Variants in NUP210L observed in about 807,000 individuals in gnomAD.
NUP210L encodes nucleoporin 210 like.
Under a neutral mutation model 208.5 loss-of-function variants are expected in NUP210L, and 74 were observed. The observed-to-expected ratio is 0.35, with a 90% confidence interval of 0.29 to 0.43. The LOEUF (loss-of-function observed/expected upper bound fraction) is 0.43. NUP210L is among the 20% of genes least tolerant of loss of function. The probability of loss-of-function intolerance (pLI) is 1.00; values close to 1 mark genes in which losing one functional copy is unlikely to be tolerated. For synonymous variants in NUP210L, 780 were observed against 816.9 expected (o/e 0.95, Z 0.77); for missense variants, 1,843 against 2,289.4 (o/e 0.81, Z 3.98).
At chr1:154,000,807 C>A in intron 37 of NUP210L, 49 bp downstream of exon 37, 1 of 1,529,956 alleles carries the variant, frequency 6.5e-7, no homozygotes, top group East Asian at 2.3e-5. Context: ...GTAATACATT[C>A]TTTCTTCTTT....
At chr1:154,023,389 G>T in intron 30 of NUP210L, 92 bp from the exon 31 acceptor site, 1 of 1,033,108 alleles carries the variant, frequency 9.7e-7, no homozygotes, top group South Asian at 1.8e-5. Flanking sequence ...GATAAAGAGT[G>T]ATGTTTCTTT....
At chr1:154,128,632 C>G (rs1658102448) in intron 8 of NUP210L, among the ~76,000 whole-genome samples, 2 of 152,088 alleles carry the variant, frequency 1.3e-5, no homozygotes, top group Non-Finnish European at 2.9e-5. Context: ...GAGCAAATCG[C>G]TTGAGCTCAG....
chr1:154,115,149 T>G (rs1267019391), intron 12 of NUP210L, among the ~76,000 whole-genome samples: 4 of 152,228 alleles, frequency 2.6e-5, no homozygotes, highest in Non-Finnish European at 4.4e-5. Flanking sequence ...AAGTATCTTT[T>G]GTTTTTTAGT....
intron 33 of NUP210L, among the ~76,000 whole-genome samples, chr1:154,016,876 G>A (rs1651275249): frequency 6.6e-6 from 1 of 152,272 alleles, no homozygotes; most frequent in South Asian, 2.1e-4. Flanking sequence ...TGCAGTGGGA[G>A]GATAGCTTGA....
intron 16 of NUP210L, among the ~76,000 whole-genome samples, chr1:154,077,942 G>A (rs930776075): frequency 2.6e-5 from 4 of 152,066 alleles, no homozygotes; most frequent in East Asian, 1.9e-4. Flanking sequence ...CCAAGATCAC[G>A]CCACTGCACT....
chr1:153,996,011 G>A (rs1369743477), intron 37 of NUP210L: 5 of 376,416 alleles, frequency 1.3e-5, no homozygotes, highest in East Asian at 1.4e-4. Context: ...AAAAAAATGC[G>A]GCCTGGCGTG....
Position 154,025,470 on chromosome 1 carries a change from A to C in NUP210L, c.4122+72T>G, listed in dbSNP as rs541455219. ...AAGAAAATTTCTAGTTTTTTAAAAA[A>C]GAAACTCTGCTTTTTAAGGCCAGGG... On this transcript the variant is annotated intron_variant, in intron 30 of 39. Coordinates refer to ENST00000368559, the Ensembl canonical transcript of NUP210L. 2.2e-5 allele frequency: 24 copies of C among 1,115,956 alleles called. No individual in the cohort carries two copies. In the East Asian group the frequency reaches 3.4e-4, roughly 16 times the overall value. 69.1% of individuals were successfully genotyped at this position (1,115,956 alleles called of 1,614,324 possible).
At chr1:153,998,095 T>C (rs1650006264) in intron 37 of NUP210L, among the ~76,000 whole-genome samples, 1 of 152,150 alleles carries the variant, frequency 6.6e-6, no homozygotes, top group Non-Finnish European at 1.5e-5. Context: ...TCTCTATACA[T>C]TCTGAGAAAC....
chr1:154,110,077 T>C (rs532372719), intron 12 of NUP210L, among the ~76,000 whole-genome samples: 1 of 149,644 alleles, frequency 6.7e-6, no homozygotes, highest in East Asian at 2.0e-4. Flanking sequence ...CTAATAAAAA[T>C]ACAAAAAATT....
chr1:154,055,348 T>G (rs922111649), intron 23 of NUP210L, among the ~76,000 whole-genome samples: 5 of 151,882 alleles, frequency 3.3e-5, no homozygotes, highest in African/African-American at 1.2e-4. Context: ...CCTCCCAGGT[T>G]CAAGCGATTC....
chr1:154,126,205 C>T, intron 10 of NUP210L, 118 bp downstream of exon 10: 2 of 821,398 alleles, frequency 2.4e-6, no homozygotes, highest in Non-Finnish European at 3.9e-6. Flanking sequence ...TGCTGTTTAT[C>T]TGTTTATTTT....
chr1:154,030,800 T>C (rs1652174051), intron 27 of NUP210L, among the ~76,000 whole-genome samples: 1 of 151,794 alleles, frequency 6.6e-6, no homozygotes, highest in South Asian at 2.1e-4. Flanking sequence ...GGTGAAATCA[T>C]GGCTTCCTGT....
At chr1:154,013,766 G>T (rs1028518907) in intron 33 of NUP210L, among the ~76,000 whole-genome samples, 1 of 151,924 alleles carries the variant, frequency 6.6e-6, no homozygotes, top group Non-Finnish European at 1.5e-5. Context: ...TTTTTTGTTT[G>T]TTTGTTTGTT....
At chr1:154,001,669 G>A in intron 36 of NUP210L, 66 bp downstream of exon 36, 3 of 1,534,716 alleles carry the variant, frequency 2.0e-6, no homozygotes, top group Non-Finnish European at 2.7e-6. Context: ...CCCTTGAAGT[G>A]AGAATGAAAA....
rs181654110 is a variant in NUP210L at position 154,074,033 on chromosome 1, G to A, written c.2362-3568C>T. 8.3e-4 allele frequency among the ~76,000 whole-genome samples: 123 copies of A among 148,408 alleles called. 1 individual carries two copies. Among genetic ancestry groups the A allele is most frequent in the African/African-American group, 2.6e-3 (106 of 40,494 alleles). Reference sequence around the variant, plus strand: ...TCCCCCTAAGTTTTTTTTTTTTGTCGTTGTTTTTTGTTTTGGAGAGTCTGT... The same window carrying A: ...TCCCCCTAAGTTTTTTTTTTTTGTCATTGTTTTTTGTTTTGGAGAGTCTGT... On this transcript the variant is annotated intron_variant, in intron 16 of 39. Coordinates refer to ENST00000368559, the Ensembl canonical transcript of NUP210L.
At chr1:154,014,982 C>T in intron 33 of NUP210L, among the ~76,000 whole-genome samples, 1 of 152,036 alleles carries the variant, frequency 6.6e-6, no homozygotes, top group Non-Finnish European at 1.5e-5. Flanking sequence ...CCAGCCTGGG[C>T]AACAGAGTGA....
chr1:154,055,164 T>TTTC (rs1467633915), intron 23 of NUP210L, among the ~76,000 whole-genome samples: 14 of 123,978 alleles, frequency 1.1e-4, no homozygotes, highest in African/African-American at 3.0e-4. Flanking sequence ...TCTTTCTTTC[T>TTTC]TTCTTTCTTT....
chr1:154,072,491 A>C (rs1192998600), intron 16 of NUP210L, among the ~76,000 whole-genome samples: 5 of 150,976 alleles, frequency 3.3e-5, no homozygotes, highest in South Asian at 2.1e-4. Flanking sequence ...TGCCACCACG[A>C]CCGGCTAATT....
At chr1:154,000,605 G>A (rs1430311247) in intron 37 of NUP210L, among the ~76,000 whole-genome samples, 2 of 152,168 alleles carry the variant, frequency 1.3e-5, no homozygotes, top group Non-Finnish European at 1.5e-5. Context: ...TAGTGTATAC[G>A]GTGTGAACAT....
Sources: allele counts gnomAD v4.1 joint callset (sites outside exome capture counted in the v4.1 genomes callset), GRCh38; gene constraint gnomAD v4.1.1; transcripts MANE v1.5; gene names NCBI Gene and HGNC (gene_info 2026-07-23, HGNC 2026-07-21).